The following TAFA1 variants were observed in gnomAD, a reference collection of about 807,000 sequenced individuals.
TAFA1 encodes chemokine-like protein TAFA-1.
In TAFA1, 4 loss-of-function variants were observed where a neutral mutation model predicts 18.5. The observed-to-expected ratio is 0.22, with a 90% CI of 0.11 to 0.49. TAFA1 has a LOEUF of 0.49. TAFA1 is among the 20% of genes least tolerant of loss of function. The probability of loss-of-function intolerance (pLI) is 0.98; values close to 1 mark genes in which losing one functional copy is unlikely to be tolerated. For missense variants in TAFA1, 147 were observed against 169.0 expected, an observed-to-expected ratio of 0.87 and a Z score of 0.72; for synonymous variants, 56 against 55.2, an observed-to-expected ratio of 1.01 and a Z score of -0.06.
At chr3:68,131,679 A>G (rs139809508) in intron 2 of TAFA1, among the ~76,000 whole-genome samples, 97 of 152,304 alleles carry the variant, frequency 6.4e-4, no homozygotes, top group African/African-American at 2.2e-3. Context: ...GCTGGGCTGC[A>G]TACAGCCATC....
At chr3:68,305,950 A>G (rs2068411329) in intron 2 of TAFA1, among the ~76,000 whole-genome samples, 1 of 152,214 alleles carries the variant, frequency 6.6e-6, no homozygotes, top group Non-Finnish European at 1.5e-5. Context: ...CTAGAATAAT[A>G]CTTTGTATGG....
intron 2 of TAFA1, among the ~76,000 whole-genome samples, chr3:68,174,483 G>C (rs538302161): frequency 6.6e-6 from 1 of 152,204 alleles, no homozygotes; most frequent in Non-Finnish European, 1.5e-5. Context: ...GGTGGTCTCC[G>C]GTGGAGATGA....
intron 2 of TAFA1, among the ~76,000 whole-genome samples, chr3:68,318,634 G>A (rs2068645606): frequency 6.6e-6 from 1 of 152,168 alleles, no homozygotes; most frequent in Non-Finnish European, 1.5e-5. Context: ...TTCTTTGAGT[G>A]TTTAAATTAC....
intron 2 of TAFA1, among the ~76,000 whole-genome samples, chr3:68,164,449 C>G (rs1361087089): frequency 2.0e-5 from 3 of 152,130 alleles, no homozygotes; most frequent in Non-Finnish European, 4.4e-5. Flanking sequence ...TTTTGTCCCC[C>G]TTGGGTAATT....
At position 68,287,224 on chromosome 3, in the gene TAFA1, G is replaced by T. The variant is rs190582826; in HGVS notation, c.119-130056G>T. On this transcript the variant is annotated intron_variant, in intron 2 of 4. Transcript: ENST00000478136. Reference sequence around the variant, plus strand: ...AAAACCGCGTGTGTAATGGAAAAGCGGACACAAGCCAAAGTGGAATATAGC... The same window carrying T: ...AAAACCGCGTGTGTAATGGAAAAGCTGACACAAGCCAAAGTGGAATATAGC... 4.1e-3 allele frequency among the ~76,000 whole-genome samples: 619 copies of T among 152,248 alleles called. 3 individuals are homozygous for T. Among genetic ancestry groups the T allele is most frequent in the African/African-American group, 0.014 (602 of 41,540 alleles).
chr3:68,377,710 G>A (rs558808153), intron 2 of TAFA1, among the ~76,000 whole-genome samples: 3 of 152,198 alleles, frequency 2.0e-5, no homozygotes, highest in South Asian at 4.2e-4. Context: ...CCCATCACAG[G>A]CCTTGCAGCC....
At chr3:68,099,928 A>G (rs1201201580) in intron 2 of TAFA1, among the ~76,000 whole-genome samples, 2 of 152,156 alleles carry the variant, frequency 1.3e-5, no homozygotes, top group Admixed American at 6.5e-5. Context: ...ATTTTCACCT[A>G]TAAGTGGGAG....
chr3:68,479,721 G>T (rs2072191827), intron 3 of TAFA1, among the ~76,000 whole-genome samples: 1 of 152,134 alleles, frequency 6.6e-6, no homozygotes, highest in Non-Finnish European at 1.5e-5. Context: ...TCTTTTCTCT[G>T]CAGGAGGCTG....
chr3:68,099,806 C>A (rs148347014), intron 2 of TAFA1, among the ~76,000 whole-genome samples: 8 of 152,244 alleles, frequency 5.3e-5, no homozygotes, highest in African/African-American at 1.4e-4. Context: ...CCATGGAATA[C>A]TACACAGCCA....
chr3:68,376,672 T>A (rs1011820039), intron 2 of TAFA1, among the ~76,000 whole-genome samples: 2 of 152,194 alleles, frequency 1.3e-5, no homozygotes, highest in African/African-American at 4.8e-5. Context: ...GCATTTAAGT[T>A]GATTCCATAT....
intron 3 of TAFA1, among the ~76,000 whole-genome samples, chr3:68,530,146 C>A (rs541151375): frequency 9.7e-4 from 147 of 152,230 alleles, no homozygotes; most frequent in African/African-American, 3.3e-3. Context: ...TTTTGATAAA[C>A]ATTTGCTGAA....
At chr3:68,371,172 G>GT (rs1387994798) in intron 2 of TAFA1, among the ~76,000 whole-genome samples, 7 of 151,928 alleles carry the variant, frequency 4.6e-5, no homozygotes, top group Admixed American at 4.6e-4. Flanking sequence ...CTGAGCCTCT[G>GT]TTTTTTCATT....
At chr3:68,252,125 T>G (rs2067207998) in intron 2 of TAFA1, among the ~76,000 whole-genome samples, 1 of 152,192 alleles carries the variant, frequency 6.6e-6, no homozygotes, top group South Asian at 2.1e-4. Flanking sequence ...TTTCTCATCT[T>G]CTTCCTTGAT....
intron 2 of TAFA1, among the ~76,000 whole-genome samples, chr3:68,107,163 T>G (rs7621261): frequency 0.9 from 136,181 of 152,094 alleles, 61,240 homozygotes; most frequent in South Asian, 0.95. Flanking sequence ...ACTGAAGCGG[T>G]TTAGAGTAGG....
chr3:68,465,641 A>C (rs1278883589), intron 3 of TAFA1, among the ~76,000 whole-genome samples: 1 of 152,168 alleles, frequency 6.6e-6, no homozygotes, highest in Non-Finnish European at 1.5e-5. Flanking sequence ...CCTGCTGGTG[A>C]AATCTGTTCC....
chr3:68,423,261 TATTTA>T (rs1168406956), intron 3 of TAFA1, among the ~76,000 whole-genome samples: 3 of 152,168 alleles, frequency 2.0e-5, no homozygotes, highest in African/African-American at 4.8e-5. Context: ...TCTATACACT[TATTTA>T]ATTCTAACTC....
At chr3:68,347,301 C>T (rs769074411) in intron 2 of TAFA1, among the ~76,000 whole-genome samples, 111 of 152,270 alleles carry the variant, frequency 7.3e-4, no homozygotes, top group Non-Finnish European at 9.3e-4. Context: ...TCTTGCTATC[C>T]GCTCCCTTGC....
chr3:68,119,407 T>G (rs1361029646), intron 2 of TAFA1, among the ~76,000 whole-genome samples: 1 of 152,158 alleles, frequency 6.6e-6, no homozygotes, highest in Non-Finnish European at 1.5e-5. Context: ...ATTTATCTAC[T>G]TTTGCTTTTG....
chr3:68,242,168 G>A (rs2067008593), intron 2 of TAFA1, among the ~76,000 whole-genome samples: 1 of 152,072 alleles, frequency 6.6e-6, no homozygotes, highest in Non-Finnish European at 1.5e-5. Context: ...ATGAGCTTAG[G>A]AGATCCTCTG....
Sources: allele counts gnomAD v4.1 joint callset (sites outside exome capture counted in the v4.1 genomes callset), GRCh38; gene constraint gnomAD v4.1.1; transcripts MANE v1.5; gene names NCBI Gene and HGNC (gene_info 2026-07-23, HGNC 2026-07-21).